The following SEM1 variants were observed in gnomAD, a reference collection of about 807,000 sequenced individuals.
SEM1 encodes the protein 26S proteasome complex subunit SEM1.
SEM1 carries 3 observed loss-of-function variants against 12.7 expected under a neutral mutation model. The ratio of observed to expected loss-of-function variants is 0.24; its 90% CI spans 0.11 to 0.61. The LOEUF is 0.61. Ranked by LOEUF, SEM1 falls within the 20% of genes least tolerant of loss-of-function variation. The probability of loss-of-function intolerance (pLI) is 0.88; values close to 1 mark genes in which losing one functional copy is unlikely to be tolerated. For missense variants in SEM1, 59 were observed against 81.3 expected, an observed-to-expected ratio of 0.73 and a Z score of 1.06; for synonymous variants, 30 against 27.8, an observed-to-expected ratio of 1.08 and a Z score of -0.25.
intron 2 of SEM1, among the ~76,000 whole-genome samples, chr7:96,485,688 G>T (rs577177606): frequency 2.0e-5 from 3 of 151,556 alleles, no homozygotes; most frequent in Non-Finnish European, 4.4e-5. Flanking sequence ...GACTACAGGC[G>T]CATGCCACCA....
intron 3 of SEM1, among the ~76,000 whole-genome samples, chr7:96,505,051 C>T (rs1201274421): frequency 6.6e-6 from 1 of 151,796 alleles, no homozygotes; most frequent in East Asian, 1.9e-4. Context: ...TTTGTTGAGG[C>T]TATTTCATCA....
In SEM1 at chr7:96,709,819, T is replaced by C; in HGVS notation, c.-56A>G. 6.4e-7 allele frequency: 1 copy of C among 1,562,414 alleles called. No individual in the cohort carries two copies. The highest frequency in any genetic ancestry group is 8.8e-7 in the Non-Finnish European group (1 of 1,134,878). On this transcript the variant is annotated 5_prime_UTR_variant, in exon 1 of 3. Transcript: ENST00000248566. ...TAAGCAGAAAAGTTGGAACCCTCAC[T>C]CTTCCTCAAGGAAACGCCACCGTCA...
At chr7:96,682,146 A>C (rs937739339) in intron 2 of SEM1, among the ~76,000 whole-genome samples, 10 of 151,850 alleles carry the variant, frequency 6.6e-5, no homozygotes, top group Admixed American at 1.3e-4. Flanking sequence ...TCTTTGTAGC[A>C]ATTGTGAATG....
At chr7:96,565,168 T>G (rs1326740695) in intron 2 of SEM1, among the ~76,000 whole-genome samples, 1 of 151,954 alleles carries the variant, frequency 6.6e-6, no homozygotes, top group Non-Finnish European at 1.5e-5. Flanking sequence ...TCCTAGAATA[T>G]TATACCTTTT....
chr7:96,661,571 A>G (rs1234014054), intron 2 of SEM1, among the ~76,000 whole-genome samples: 2 of 152,184 alleles, frequency 1.3e-5, no homozygotes, highest in African/African-American at 2.4e-5. Context: ...CTAACCAGAA[A>G]TAAATTAGAC....
chr7:96,586,055 T>C (rs1401503002), intron 2 of SEM1, among the ~76,000 whole-genome samples: 14 of 152,188 alleles, frequency 9.2e-5, no homozygotes, highest in Admixed American at 7.9e-4. Flanking sequence ...CCCAGGCTAG[T>C]CTTGAACTCC....
intron 2 of SEM1, among the ~76,000 whole-genome samples, chr7:96,660,090 TA>T: frequency 6.6e-6 from 1 of 152,056 alleles, no homozygotes; most frequent in Middle Eastern, 3.4e-3. Flanking sequence ...TAGTTGAGAA[TA>T]AAAGGACAGA....
intron 2 of SEM1, among the ~76,000 whole-genome samples, chr7:96,604,056 G>A (rs1807270135): frequency 6.6e-6 from 1 of 152,026 alleles, no homozygotes; most frequent in Non-Finnish European, 1.5e-5. Context: ...ATATTCCTTA[G>A]AGGACAGATG....
intron 2 of SEM1, among the ~76,000 whole-genome samples, chr7:96,509,071 C>G (rs368535756): frequency 6.6e-6 from 1 of 150,626 alleles, no homozygotes; most frequent in African/African-American, 2.4e-5. Context: ...ACTGCAACTT[C>G]CATCTCCCAG....
chr7:96,494,511 T>G (rs1803161423), intron 1 of SEM1, among the ~76,000 whole-genome samples: 5 of 152,142 alleles, frequency 3.3e-5, no homozygotes, highest in Non-Finnish European at 7.3e-5. Context: ...ATGCATAATT[T>G]GACACTAAGT....
At chr7:96,662,789 C>T (rs958859844) in intron 2 of SEM1, among the ~76,000 whole-genome samples, 2 of 152,102 alleles carry the variant, frequency 1.3e-5, no homozygotes, top group Non-Finnish European at 2.9e-5. Flanking sequence ...ATATCATACA[C>T]AAAAACTAAC....
intron 2 of SEM1, among the ~76,000 whole-genome samples, chr7:96,627,731 A>G (rs1217231991): frequency 6.6e-6 from 1 of 152,120 alleles, no homozygotes; most frequent in East Asian, 1.9e-4. Context: ...GAGGAAAACA[A>G]TGTTTATTCT....
chr7:96,586,637 T>G (rs1422743382), intron 2 of SEM1, among the ~76,000 whole-genome samples: 2 of 152,174 alleles, frequency 1.3e-5, no homozygotes, highest in African/African-American at 4.8e-5. Context: ...AGTAGCCAGA[T>G]AAAAACTCTT....
chr7:96,547,031 A>C (rs1340656939), intron 2 of SEM1, among the ~76,000 whole-genome samples: 1 of 152,152 alleles, frequency 6.6e-6, no homozygotes, highest in Non-Finnish European at 1.5e-5. Flanking sequence ...GAGAATGCAG[A>C]AATGTGAGCT....
chr7:96,627,241 CCTT>C (rs1444643673), intron 2 of SEM1, among the ~76,000 whole-genome samples: 2 of 151,724 alleles, frequency 1.3e-5, no homozygotes, highest in Non-Finnish European at 3.0e-5. Context: ...TGTATTGTTT[CCTT>C]CTTTTTTATT....
downstream of SEM1, among the ~76,000 whole-genome samples, chr7:96,684,330 A>G (rs1789700466): frequency 6.6e-6 from 1 of 152,078 alleles, no homozygotes; most frequent in Admixed American, 6.6e-5. Flanking sequence ...CCTTGTATCC[A>G]ATCACTTGTA....
chr7:96,637,980 C>T (rs2116374303), intron 2 of SEM1, among the ~76,000 whole-genome samples: 1 of 152,140 alleles, frequency 6.6e-6, no homozygotes, highest in African/African-American at 2.4e-5. Context: ...ACTTCTAGAG[C>T]AACCCTGTCA....
At chr7:96,583,127 C>G (rs933758080) in intron 2 of SEM1, among the ~76,000 whole-genome samples, 1 of 151,418 alleles carries the variant, frequency 6.6e-6, no homozygotes, top group Non-Finnish European at 1.5e-5. Flanking sequence ...AAATTTCCCT[C>G]TACACACTGC....
intron 2 of SEM1, among the ~76,000 whole-genome samples, chr7:96,585,653 G>A (rs914105889): frequency 1.4e-4 from 21 of 152,220 alleles, no homozygotes; most frequent in Non-Finnish European, 1.8e-4. Flanking sequence ...AGCCAGGTGC[G>A]GGATATAATC....
Sources: allele counts gnomAD v4.1 joint callset (sites outside exome capture counted in the v4.1 genomes callset), GRCh38; gene constraint gnomAD v4.1.1; transcripts MANE v1.5; gene names NCBI Gene and HGNC (gene_info 2026-07-23, HGNC 2026-07-21).